BIRC6: variants seen among roughly 807,000 people sequenced by gnomAD.
BIRC6 encodes dual E2 ubiquitin-conjugating enzyme/E3 ubiquitin-protein ligase BIRC6.
In BIRC6, 98 loss-of-function variants were observed where a neutral mutation model predicts 503.3. That is an observed-to-expected ratio of 0.19 (90% CI 0.17 to 0.23). The LOEUF is 0.23. Among genes scored for constraint, BIRC6 ranks in the 10% least tolerant of loss-of-function variants. BIRC6 has a pLI of 1.00. For synonymous variants in BIRC6, 2,240 were observed against 2,078.7 expected (o/e 1.08, Z -2.11); for missense variants, 5,360 against 5,806.0 (o/e 0.92, Z 2.50).
Position 32,524,917 on chromosome 2 carries a change from A to G in BIRC6, c.11653A>G (p.Ser3885Gly). 6.6e-7 allele frequency: 1 copy of G among 1,507,888 alleles called. No homozygotes were observed. The highest frequency in any genetic ancestry group is 8.9e-7 in the Non-Finnish European group (1 of 1,121,880). 93.4% of individuals were successfully genotyped at this position (1,507,888 alleles called of 1,614,324 possible). A position where few individuals can be genotyped will look rare whatever the true frequency, so the allele number is the denominator to read the frequency against. ...DTPSITAKLI[S>G]EQKDDKEKKN... ...TCCAAGTATCACAGCTAAATTAATT[A>G]GTGAACAAAAAGATGACAAAGAAAA... The change falls in exon 58 of 74, where the codon AGT becomes GGT. Residue 3885 changes from serine (S) to glycine (G), a missense_variant. Transcript: ENST00000421745.
chr2:32,595,083 T>G lies in BIRC6; in HGVS notation c.13551T>G (p.Pro4517=). Residue 4517 remains proline (P), a synonymous_variant, in exon 68 of 74, where the codon CCT becomes CCG. Transcript: ENST00000421745. ...YSKKAAMKPK[P]LSVLKSLEEK... ...AGAAGGCGGCTATGAAACCCAAACC[T>G]TTGTCAGTATTAAAGTCACTTGAAG... 6.2e-7 allele frequency: 1 copy of G among 1,602,752 alleles called. No homozygotes were observed. The highest frequency in any genetic ancestry group is 8.5e-7 in the Non-Finnish European group (1 of 1,177,122).
chr2:32,415,534 G>T lies in BIRC6; in HGVS notation c.2243G>T (p.Gly748Val), dbSNP rs2042295796. ...GCTGACGGAATTCATTTGTTGGTAGGACTGCGGACATGCCCTGTTGAATCC... is the reference window on the plus strand; with the variant it reads ...GCTGACGGAATTCATTTGTTGGTAGTACTGCGGACATGCCCTGTTGAATCC... ...PCADGIHLLVGLRTCPVESLS... is the reference protein window; with the variant it reads ...PCADGIHLLVVLRTCPVESLS... Residue 748 changes from glycine (G) to valine (V), a missense_variant, in exon 10 of 74, where the codon GGA (glycine) becomes GTA (valine). Physicochemically the swap from Gly to Val is moderately radical, Grantham distance 109. This residue lies in a region of BIRC6 where 700 missense variants were observed against 739.3 expected (regional missense o/e 0.95). Coordinates refer to ENST00000421745, the MANE Select transcript of BIRC6 (RefSeq NM_016252.4). The T allele has an allele frequency of 6.2e-7, 1 of 1,613,904 alleles. No individual in the cohort carries two copies. The highest frequency in any genetic ancestry group is 1.3e-5 in the African/African-American group (1 of 74,930).
intron 10 of BIRC6, among the ~76,000 whole-genome samples, chr2:32,423,280 T>G (rs993155798): frequency 6.6e-6 from 1 of 152,162 alleles, no homozygotes; most frequent in Non-Finnish European, 1.5e-5. Context: ...GGTTATAATT[T>G]TTTTTTTCTT....
At chr2:32,402,333 C>G (rs531477837) in intron 8 of BIRC6, among the ~76,000 whole-genome samples, 56 of 152,244 alleles carry the variant, frequency 3.7e-4, no homozygotes, top group African/African-American at 1.3e-3. Context: ...ATTGTGTAGG[C>G]AGCCATGTGA....
At chr2:32,504,140 T>C (rs994229366) in intron 49 of BIRC6, among the ~76,000 whole-genome samples, 8 of 147,946 alleles carry the variant, frequency 5.4e-5, no homozygotes, top group African/African-American at 2.0e-4. Context: ...CCCCAAGTGA[T>C]CCCCCACCTT....
intron 3 of BIRC6, among the ~76,000 whole-genome samples, chr2:32,381,473 C>T (rs971298453): frequency 6.6e-6 from 1 of 151,418 alleles, no homozygotes; most frequent in Non-Finnish European, 1.5e-5. Flanking sequence ...CTCCCGACCT[C>T]AGGTGATCTG....
intron 5 of BIRC6, among the ~76,000 whole-genome samples, chr2:32,394,289 A>G (rs1031125260): frequency 6.6e-6 from 1 of 151,954 alleles, no homozygotes; most frequent in African/African-American, 2.4e-5. Context: ...TCTAAAATGT[A>G]TAGTAAATTT....
chr2:32,559,195 A>G (rs932097224), intron 65 of BIRC6, among the ~76,000 whole-genome samples: 5 of 152,354 alleles, frequency 3.3e-5, no homozygotes, highest in African/African-American at 1.2e-4. Context: ...GTTGATGACA[A>G]TTCCAAGATA....
intron 45 of BIRC6, among the ~76,000 whole-genome samples, chr2:32,496,160 C>G (rs2052444761): frequency 6.6e-6 from 1 of 151,928 alleles, no homozygotes; most frequent in Non-Finnish European, 1.5e-5. Flanking sequence ...AAATACTTTC[C>G]TTTTTTCATT....
Position 32,481,195 on chromosome 2 carries a change from TAG to T in BIRC6, c.7409-122_7409-121del, listed in dbSNP as rs565626059. 1.8e-4 allele frequency: 145 copies of T among 807,936 alleles called. No individual in the cohort carries two copies. The South Asian group carries it at 4.0e-3, about 22-fold the overall frequency. The allele number at this position is 807,936 out of a possible 1,614,324, so 50.0% of individuals were successfully genotyped here. ...TTATGGAGCGAAATGTTTGCATACA[TAG>T]AGTTTTTTTTTTTAGGCATATGTAA... On this transcript the variant is annotated intron_variant, in intron 37 of 73. Transcript: ENST00000421745.
Position 32,479,590 on chromosome 2 carries a change from G to T in BIRC6, c.7381G>T (p.Asp2461Tyr). ...QSSVQLLETIDEPLTHDITGA... is the reference protein window; with the variant it reads ...QSSVQLLETIYEPLTHDITGA... ...CTCAGTTCAGTTGCTGGAAACTATA[G>T]ATGAACCTTTGACACATGACATAAC... is the stretch of plus-strand genomic sequence containing the variant. Residue 2461 changes from aspartate (D) to tyrosine (Y), a missense_variant, in exon 37 of 74, where the codon GAT (aspartate) becomes TAT (tyrosine). Asp to Tyr is a radical substitution (Grantham distance 160). Coordinates refer to ENST00000421745, the MANE Select transcript of BIRC6 (RefSeq NM_016252.4). 6.2e-7 allele frequency: 1 copy of T among 1,609,408 alleles called. No homozygotes were observed. Among genetic ancestry groups the T allele is most frequent in the South Asian group, 1.1e-5 (1 of 90,102 alleles).
intron 49 of BIRC6, among the ~76,000 whole-genome samples, chr2:32,504,540 G>A (rs1409574947): frequency 6.6e-6 from 1 of 151,928 alleles, no homozygotes; most frequent in Non-Finnish European, 1.5e-5. Context: ...GGTTGCAGGC[G>A]CCTGTAGTCC....
rs773426447 is a variant in BIRC6, at chr2:32,481,426, G to T, written c.7515G>T (p.Lys2505Asn). The T allele has an allele frequency of 6.2e-7, 1 of 1,611,910 alleles. No individual in the cohort carries two copies. Among genetic ancestry groups the T allele is most frequent in the South Asian group, 1.1e-5 (1 of 90,784 alleles). ...ATCCTTTAGATATTGATTTGGAAAAGGACCCTCTTGCAGCCAAGGTTTTTA... is the reference window on the plus strand; with the variant it reads ...ATCCTTTAGATATTGATTTGGAAAATGACCCTCTTGCAGCCAAGGTTTTTA... ...DIDPLDIDLEKDPLAAKVFKP... is the reference protein window; with the variant it reads ...DIDPLDIDLENDPLAAKVFKP... Residue 2505 changes from lysine (K) to asparagine (N), a missense_variant, in exon 38 of 74, where the codon AAG (lysine) becomes AAT (asparagine). By Grantham distance (94) the Lys-to-Asn change is moderately conservative (BLOSUM62 0). Coordinates refer to ENST00000421745, the MANE Select transcript of BIRC6 (RefSeq NM_016252.4).
intron 61 of BIRC6, among the ~76,000 whole-genome samples, chr2:32,537,052 G>A (rs1026093506): frequency 6.6e-6 from 1 of 152,024 alleles, no homozygotes; most frequent in African/African-American, 2.4e-5. Flanking sequence ...TCATGATTTG[G>A]CTCTCTGTTT....
Position 32,531,432 on chromosome 2 carries a change from G to T in BIRC6, c.12172G>T (p.Asp4058Tyr). The T allele has an allele frequency of 1.2e-6, 2 of 1,613,876 alleles. No individual in the cohort carries two copies. The highest frequency in any genetic ancestry group is 1.3e-5 in the African/African-American group (1 of 75,036). The change falls in exon 61 of 74, where the codon GAT becomes TAT. Residue 4058 changes from aspartate to tyrosine, a missense_variant. Around this residue, in one of 16 missense-constraint regions of BIRC6, gnomAD observed 878 missense variants for 928.9 expected, o/e 0.95. Transcript: ENST00000421745. ...PGDECMDGIL[D>Y]ESLLETCPIQ... ...TGATGAATGCATGGATGGGATACTG[G>T]ATGAATCTTTGCTTGAAACCTGTCC... is the stretch of plus-strand genomic sequence containing the variant.
chr2:32,510,985 T>A (rs2054329476), intron 53 of BIRC6, among the ~76,000 whole-genome samples: 2 of 152,182 alleles, frequency 1.3e-5, no homozygotes, highest in Admixed American at 1.3e-4. Context: ...GTACTTTATA[T>A]GTGTATATGA....
intron 9 of BIRC6, among the ~76,000 whole-genome samples, chr2:32,406,856 G>T (rs1428605917): frequency 1.3e-5 from 2 of 152,124 alleles, no homozygotes; most frequent in African/African-American, 4.8e-5. Flanking sequence ...AATGTATTCT[G>T]TTAACTAAAA....
intron 1 of BIRC6, among the ~76,000 whole-genome samples, chr2:32,363,108 A>T (rs1320308701): frequency 1.3e-5 from 2 of 152,120 alleles, no homozygotes; most frequent in Non-Finnish European, 2.9e-5. Flanking sequence ...AGGCAGGAGG[A>T]TCGCTTGAGC....
chr2:32,585,941 A>G (rs1335009995), intron 66 of BIRC6, among the ~76,000 whole-genome samples: 1 of 152,212 alleles, frequency 6.6e-6, no homozygotes, highest in Non-Finnish European at 1.5e-5. Context: ...TATTTGATAG[A>G]AAATGAATCT....
Sources: allele counts gnomAD v4.1 joint callset (sites outside exome capture counted in the v4.1 genomes callset), GRCh38; gene constraint gnomAD v4.1.1; regional missense constraint gnomAD v4.1.1; transcripts MANE v1.5; gene names NCBI Gene and HGNC (gene_info 2026-07-23, HGNC 2026-07-21).